Variants in TRAPPC8 observed in about 807,000 individuals in gnomAD.
The protein encoded by TRAPPC8 is trafficking protein particle complex subunit 8.
A neutral mutation model predicts 174.3 loss-of-function variants in TRAPPC8; 54 were observed. The ratio of observed to expected loss-of-function variants is 0.31; its 90% confidence interval spans 0.25 to 0.39. The LOEUF is 0.39. Ranked by LOEUF, TRAPPC8 falls within the 10% of genes least tolerant of loss-of-function variation. The probability of loss-of-function intolerance (pLI) is 1.00; values close to 1 mark genes in which losing one functional copy is unlikely to be tolerated. For synonymous variants in TRAPPC8, 630 were observed against 579.9 expected (o/e 1.09, Z -1.24); for missense variants, 1,531 against 1,699.1 (o/e 0.90, Z 1.74).
intron 5 of TRAPPC8, among the ~76,000 whole-genome samples, chr18:31,910,685 G>GTA (rs2036867802): frequency 6.6e-6 from 1 of 152,164 alleles, no homozygotes; most frequent in Non-Finnish European, 1.5e-5. Flanking sequence ...GCAGTCATTC[G>GTA]TAAGTTTAAA....
At position 31,861,167 on chromosome 18, in the gene TRAPPC8, T is replaced by C. The variant is rs912914007; in HGVS notation, c.2746-3185A>G. ...TGAATAAATGTACATCAGTATGTTT[T>C]AAATTAAGGTAAAATGTTTAGGGTA... On this transcript the variant is annotated intron_variant, in intron 19 of 28. Coordinates refer to ENST00000283351, the MANE Select transcript of TRAPPC8 (RefSeq NM_014939.5). Among the ~76,000 whole-genome samples, 4 of 152,218 alleles carry C rather than the reference T, an allele frequency of 2.6e-5. No homozygotes were observed. The East Asian group carries it at 7.7e-4, about 29-fold the overall frequency.
intron 27 of TRAPPC8, among the ~76,000 whole-genome samples, chr18:31,838,132 G>C (rs1389790626): frequency 1.3e-5 from 2 of 152,062 alleles, no homozygotes; most frequent in Admixed American, 6.5e-5. Context: ...ACCATGCCCG[G>C]CTCTAAGTTA....
intron 11 of TRAPPC8, chr18:31,896,200 T>C (rs1045540203): frequency 6.6e-6 from 1 of 152,098 alleles, no homozygotes; most frequent in Non-Finnish European, 1.5e-5. Flanking sequence ...GTATCATGAC[T>C]AGTAAATTAG....
At chr18:31,874,383 A>T in intron 13 of TRAPPC8, 97 bp downstream of exon 13, 1 of 1,282,102 alleles carries the variant, frequency 7.8e-7, no homozygotes, top group Non-Finnish European at 1.1e-6. Flanking sequence ...AACTACATAT[A>T]TTCTAATAAA....
intron 4 of TRAPPC8, among the ~76,000 whole-genome samples, chr18:31,913,834 G>C (rs913342079): frequency 6.6e-6 from 1 of 152,088 alleles, no homozygotes; most frequent in Admixed American, 6.6e-5. Flanking sequence ...CAAAGAGAGA[G>C]CTCTGGTGGT....
chr18:31,929,109 G>A (rs2037745733), intron 2 of TRAPPC8, among the ~76,000 whole-genome samples: 1 of 151,898 alleles, frequency 6.6e-6, no homozygotes, highest in Non-Finnish European at 1.5e-5. Context: ...TCGAACCCGG[G>A]AGGTGGAGGT....
At chr18:31,884,766 G>T (rs1025414710) in intron 12 of TRAPPC8, among the ~76,000 whole-genome samples, 16 of 152,072 alleles carry the variant, frequency 1.1e-4, no homozygotes, top group Non-Finnish European at 2.2e-4. Context: ...CAGCACTTTG[G>T]GGGGCCAAGG....
At chr18:31,886,644 C>A (rs1225965244) in intron 12 of TRAPPC8, among the ~76,000 whole-genome samples, 2 of 152,124 alleles carry the variant, frequency 1.3e-5, no homozygotes, top group Non-Finnish European at 2.9e-5. Flanking sequence ...TTAAAATGCA[C>A]TTTACTTTCT....
rs1042045221 is a variant in TRAPPC8 at position 31,924,544 on chromosome 18, TGA to T, written c.352+6783_352+6784del. Among the ~76,000 whole-genome samples, 98 of 151,348 alleles carry T rather than the reference TGA, an allele frequency of 6.5e-4. 1 individual carries two copies. Among genetic ancestry groups the T allele is most frequent in the Non-Finnish European group, 2.4e-4 (16 of 67,900 alleles). On this transcript the variant is annotated intron_variant, in intron 2 of 28. Coordinates refer to ENST00000283351, the MANE Select transcript of TRAPPC8 (RefSeq NM_014939.5). ...GGGAGGCCAAGGCAGGTGGATCACTTGAGTCCAGGAGTTCAAGACCAGCCTGG... is the reference window on the plus strand; with the variant it reads ...GGGAGGCCAAGGCAGGTGGATCACTTGTCCAGGAGTTCAAGACCAGCCTGG...
At chr18:31,916,181 C>A in intron 4 of TRAPPC8, 91 bp downstream of exon 4, 1 of 971,916 alleles carries the variant, frequency 1.0e-6, no homozygotes, top group Non-Finnish European at 1.4e-6. Context: ...ATTCTTGTAT[C>A]AAAAATAAAT....
rs567523972 is a variant in TRAPPC8, at chr18:31,923,836, G to A, written c.353-6169C>T. 3.9e-5 allele frequency among the ~76,000 whole-genome samples: 6 copies of A among 152,172 alleles called. No individual in the cohort carries two copies. The East Asian group carries it at 1.2e-3, about 29-fold the overall frequency. ...GAGACCACTCTGGGCAACTTAGTGA[G>A]ACCCTATCTCTAGTTCTAAAAATAA... On this transcript the variant is annotated intron_variant, in intron 2 of 28. Transcript: ENST00000283351.
chr18:31,914,549 G>A (rs1024076442), intron 4 of TRAPPC8, among the ~76,000 whole-genome samples: 2 of 152,090 alleles, frequency 1.3e-5, no homozygotes, highest in African/African-American at 4.8e-5. Context: ...CTTATCCAAC[G>A]GGCTACAGAC....
At chr18:31,873,713 T>C in intron 13 of TRAPPC8, 175 bp from the exon 14 acceptor site, 1 of 488,898 alleles carries the variant, frequency 2.0e-6, no homozygotes, top group Non-Finnish European at 3.7e-6. Context: ...TCAGAAGCAC[T>C]TCAGATATTT....
At chr18:31,904,677 C>T (rs11665424) in intron 9 of TRAPPC8, among the ~76,000 whole-genome samples, 39,419 of 152,054 alleles carry the variant, frequency 0.26, 5,625 homozygotes, top group South Asian at 0.52. Context: ...CTAAAATTCA[C>T]TGAAGAAGCT....
In TRAPPC8 at chr18:31,942,674, G is replaced by C. The variant is rs2038400831; in HGVS notation, c.91C>G (p.Leu31Val). Residue 31 changes from leucine (L) to valine (V), a missense_variant, in exon 1 of 29, where the codon CTC becomes GTC. Leu to Val is a conservative substitution (Grantham distance 32, BLOSUM62 1). Coordinates refer to ENST00000283351, the MANE Select transcript of TRAPPC8 (RefSeq NM_014939.5). ...AAGCTGAGGTGATTGAGACGAGTGA[G>C]CCGCTCGGCTTCGTCGCTGCACAGC... ...AALCSDEAER[L>V]TRLNHLSFAE... is the part of the protein sequence containing the mutation. The C allele has an allele frequency of 4.3e-6, 7 of 1,610,960 alleles. No homozygotes were observed. In the East Asian group the frequency reaches 1.6e-4, roughly 36 times the overall value.
At chr18:31,915,933 T>G (rs1470143229) in intron 4 of TRAPPC8, among the ~76,000 whole-genome samples, 5 of 149,694 alleles carry the variant, frequency 3.3e-5, no homozygotes, top group African/African-American at 1.2e-4. Flanking sequence ...GGCGGGCACC[T>G]GTAATTCCAG....
In TRAPPC8 at chr18:31,829,865, T is replaced by G. The variant is rs1223243997; in HGVS notation, c.*890A>C. 1.3e-5 allele frequency: 2 copies of G among 152,666 alleles called. No individual in the cohort carries two copies. Among genetic ancestry groups the G allele is most frequent in the Admixed American group, 6.5e-5 (1 of 15,282 alleles). 9.5% of individuals were successfully genotyped at this position (152,666 alleles called of 1,614,324 possible). The stretch of plus-strand genomic sequence containing the variant: ...AGCAGGGCTGAATTGAAATTTCTTA[T>G]GTCCAAATGCCCATTCTCTGAATAA... On this transcript the variant is annotated 3_prime_UTR_variant, in exon 29 of 29. Coordinates refer to ENST00000283351, the MANE Select transcript of TRAPPC8 (RefSeq NM_014939.5).
chr18:31,900,962 T>C lies in TRAPPC8; in HGVS notation c.1453A>G (p.Met485Val), dbSNP rs1304569030. ...GAPRPYPAHY[M>V]DTAIQTYRDI... ...CTGTATGTCTGAATTGCTGTATCCA[T>C]GTAATGAGCAGGATATGGCCTAGGT... The change falls in exon 10 of 29, where the codon ATG (methionine) becomes GTG (valine). Residue 485 changes from methionine (M) to valine (V), a missense_variant. Coordinates refer to ENST00000283351, the MANE Select transcript of TRAPPC8 (RefSeq NM_014939.5). 5 of 1,596,138 alleles carry C rather than the reference T, an allele frequency of 3.1e-6. No homozygotes were observed. The highest frequency in any genetic ancestry group is 4.3e-6 in the Non-Finnish European group (5 of 1,175,202).
intron 18 of TRAPPC8, among the ~76,000 whole-genome samples, chr18:31,865,661 TATATTTTACTGACAACC>T (rs1209352634): frequency 6.6e-6 from 1 of 151,850 alleles, no homozygotes; most frequent in Non-Finnish European, 1.5e-5. Context: ...AACAACTACC[TATATTTTACTGACAACC>T]ATAAATTTGT....
Sources: allele counts gnomAD v4.1 joint callset (sites outside exome capture counted in the v4.1 genomes callset), GRCh38; gene constraint gnomAD v4.1.1; transcripts MANE v1.5; gene names NCBI Gene and HGNC (gene_info 2026-07-23, HGNC 2026-07-21).